The following SPATA22 variants were observed in gnomAD, a reference collection of about 807,000 sequenced individuals.
The protein encoded by SPATA22 is spermatogenesis associated 22.
A neutral mutation model predicts 47.8 loss-of-function variants in SPATA22; 29 were observed. The ratio of observed to expected loss-of-function variants is 0.61; its 90% CI spans 0.45 to 0.83. The LOEUF is 0.83. Among genes scored for constraint, SPATA22 ranks in the 40% least tolerant of loss-of-function variants. The pLI is 0.00. For missense variants in SPATA22, 410 were observed against 421.7 expected, an observed-to-expected ratio of 0.97 and a Z score of 0.24; for synonymous variants, 133 against 140.9, an observed-to-expected ratio of 0.94 and a Z score of 0.40.
chr17:3,441,234 C>T (rs972250109), intron 8 of SPATA22: 1 of 151,870 alleles, frequency 6.6e-6, no homozygotes, highest in African/African-American at 2.4e-5. Context: ...TGGGAAAAAG[C>T]AAACCATGGA....
At chr17:3,479,917 C>T (rs533144198) in intron 1 of SPATA22, among the ~76,000 whole-genome samples, 1 of 151,998 alleles carries the variant, frequency 6.6e-6, no homozygotes. Context: ...AAAAATGTAT[C>T]TTAACCATTG....
intron 5 of SPATA22, among the ~76,000 whole-genome samples, chr17:3,457,427 A>G (rs1300958420): frequency 6.6e-6 from 1 of 152,204 alleles, no homozygotes; most frequent in Non-Finnish European, 1.5e-5. Flanking sequence ...TACAGACTCA[A>G]TGCAATCCCT....
chr17:3,479,807 C>A (rs2073596403), intron 1 of SPATA22, among the ~76,000 whole-genome samples: 1 of 151,928 alleles, frequency 6.6e-6, no homozygotes, highest in African/African-American at 2.4e-5. Flanking sequence ...AAGATACTAG[C>A]AAAAATAACC....
intron 1 of SPATA22, chr17:3,499,047 C>A (rs1256188187): frequency 1.2e-6 from 2 of 1,614,188 alleles, no homozygotes; most frequent in Non-Finnish European, 1.7e-6. Flanking sequence ...GACAACTAAA[C>A]TAACGCTCAA....
In SPATA22 at chr17:3,452,158, TA is replaced by T. The variant is rs2072877087; in HGVS notation, c.330-3010del. ...ATAGCAATGAATGCCCAAGTGGAAA[TA>T]AAAAGATCTCAAATAAGCATCCTAA... On this transcript the variant is annotated intron_variant, in intron 5 of 8. Transcript: ENST00000572969. Among the ~76,000 whole-genome samples, 3 of 146,510 alleles carry T rather than the reference TA, an allele frequency of 2.0e-5. No individual in the cohort carries two copies. In the South Asian group the frequency reaches 6.5e-4, roughly 32 times the overall value.
At chr17:3,487,968 A>G (rs528870815) in intron 1 of SPATA22, among the ~76,000 whole-genome samples, 6 of 152,352 alleles carry the variant, frequency 3.9e-5, no homozygotes, top group African/African-American at 1.4e-4. Flanking sequence ...ATGACACCAT[A>G]TACTTAAATA....
chr17:3,491,073 T>C (rs894803557), intron 1 of SPATA22, among the ~76,000 whole-genome samples: 2 of 152,174 alleles, frequency 1.3e-5, no homozygotes, highest in Non-Finnish European at 2.9e-5. Context: ...AGGGCTTCAT[T>C]CTTGACTCTG....
At position 3,489,299 on chromosome 17, in the gene SPATA22, A is replaced by G. The variant is rs777170306; in HGVS notation, c.-73-19901T>C. ...CTGATATCTTGGATCAAATGAGAAAAATGATTAAACATGCTCTTGATTTTA... is the reference window on the plus strand; with the variant it reads ...CTGATATCTTGGATCAAATGAGAAAGATGATTAAACATGCTCTTGATTTTA... On this transcript the variant is annotated intron_variant, in intron 1 of 8. Coordinates refer to the SPATA22 transcript ENST00000541913. 2.5e-6 allele frequency: 4 copies of G among 1,613,282 alleles called. No homozygotes were observed. The highest frequency in any genetic ancestry group is 3.4e-6 in the Non-Finnish European group (4 of 1,179,766).
rs568697855 is a variant in SPATA22, at chr17:3,485,289, C to T, written c.-73-15891G>A. ...CCTCCCAAAGTGCTGGGATTACAAG[C>T]GTGAGCCACCACACCTGTACCTCAT... is the stretch of plus-strand genomic sequence containing the variant. On this transcript the variant is annotated intron_variant, in intron 1 of 8. Coordinates refer to the SPATA22 transcript ENST00000541913. The surrounding 1 kb of genome is among the most constrained non-coding windows in gnomAD (Gnocchi z 4.4). 2.5e-3 allele frequency among the ~76,000 whole-genome samples: 388 copies of T among 152,274 alleles called. 2 individuals are homozygous for T. Among genetic ancestry groups the T allele is most frequent in the Non-Finnish European group, 3.1e-3 (214 of 68,024 alleles).
At position 3,448,976 on chromosome 17, in the gene SPATA22, C is replaced by G; in HGVS notation, c.503G>C (p.Arg168Pro). 6.2e-7 allele frequency: 1 copy of G among 1,613,872 alleles called. No homozygotes were observed. Among genetic ancestry groups the G allele is most frequent in the South Asian group, 1.1e-5 (1 of 91,070 alleles). ...TCTGAGTAGCTCGGTTTCTTTGTTG[C>G]GAGATAAGTTAGGAGGTTCAGGTAT... Reference protein sequence around the residue: ...LRIPEPPNLSRNKETELLRQT... With the variant: ...LRIPEPPNLSPNKETELLRQT... The change falls in exon 6 of 9, where the codon CGC becomes CCC. Residue 168 changes from arginine to proline, a missense_variant. Physicochemically the swap from Arg to Pro is moderately radical, Grantham distance 103 (BLOSUM62 -2). Transcript: ENST00000572969.
intron 1 of SPATA22, among the ~76,000 whole-genome samples, chr17:3,510,264 C>T (rs1042858199): frequency 2.0e-5 from 3 of 152,158 alleles, no homozygotes; most frequent in African/African-American, 7.2e-5. Flanking sequence ...ATTGAAACTG[C>T]TTCCAAAGCT....
intron 5 of SPATA22, among the ~76,000 whole-genome samples, chr17:3,452,519 G>A (rs1042154098): frequency 6.6e-6 from 1 of 151,922 alleles, no homozygotes; most frequent in African/African-American, 2.4e-5. Context: ...TTGAACCCGA[G>A]AGTGGAGGTT....
Position 3,467,406 on chromosome 17 carries a change from T to G in SPATA22, c.172+20A>C. 6.4e-7 allele frequency: 1 copy of G among 1,563,260 alleles called. No individual in the cohort carries two copies. Among genetic ancestry groups the G allele is most frequent in the Non-Finnish European group, 8.6e-7 (1 of 1,158,082 alleles). On this transcript the variant is annotated intron_variant, in intron 3 of 8. Transcript: ENST00000572969. ...TAGTTTTGTATTTCCTGAAAATTTTTACCTTATTAATTTTCTTACCTGTAG... is the reference window on the plus strand; with the variant it reads ...TAGTTTTGTATTTCCTGAAAATTTTGACCTTATTAATTTTCTTACCTGTAG...
chr17:3,453,530 A>G (rs1464446861), intron 5 of SPATA22, among the ~76,000 whole-genome samples: 2 of 152,216 alleles, frequency 1.3e-5, no homozygotes, highest in South Asian at 4.1e-4. Flanking sequence ...CAAAATTCCC[A>G]CAGCTAACAT....
chr17:3,475,711 A>G (rs2073511361), upstream of SPATA22: 1 of 184,988 alleles, frequency 5.4e-6, no homozygotes, highest in Non-Finnish European at 1.1e-5. Flanking sequence ...CCGTGGAAAT[A>G]CTGAGTGGGC....
Position 3,440,305 on chromosome 17 carries a change from C to A in SPATA22, c.934G>T (p.Val312Phe). 6.3e-7 allele frequency: 1 copy of A among 1,595,352 alleles called. No homozygotes were observed. Among genetic ancestry groups the A allele is most frequent in the Non-Finnish European group, 8.6e-7 (1 of 1,168,884 alleles). The change falls in exon 9 of 9, where the codon GTT becomes TTT. Residue 312 changes from valine (V) to phenylalanine (F), a missense_variant. Transcript: ENST00000572969. ...RELPRLIRGR[V>F]HRCVGNYDQK... The stretch of plus-strand genomic sequence containing the variant: ...TCATAGTTGCCAACACATCTATGAA[C>A]TCGGCCTCTAATCAGTCTCGGAAGT...
At chr17:3,511,747 A>G (rs2074116536) in intron 1 of SPATA22, 1 of 152,276 alleles carries the variant, frequency 6.6e-6, no homozygotes, top group African/African-American at 2.4e-5. Context: ...TTAGGCAAAT[A>G]GAAATCAATA....
intron 1 of SPATA22, among the ~76,000 whole-genome samples, chr17:3,484,183 A>C (rs9904040): frequency 0.28 from 41,808 of 151,900 alleles, 6,223 homozygotes; most frequent in East Asian, 0.57. Flanking sequence ...TTCACCTGTC[A>C]CCTCCTATAG....
intron 1 of SPATA22, among the ~76,000 whole-genome samples, chr17:3,479,340 C>G (rs751779801): frequency 6.6e-6 from 1 of 152,140 alleles, no homozygotes; most frequent in East Asian, 1.9e-4. Flanking sequence ...TGATATAGAA[C>G]CAAAATTGTC....
Sources: gnomAD v4.1 joint callset for allele counts (sites outside exome capture counted in the v4.1 genomes callset) on GRCh38, gnomAD v4.1.1 for gene constraint, Gnocchi (gnomAD v3.1) non-coding constraint, MANE v1.5 for transcripts, NCBI Gene and HGNC (gene_info 2026-07-23, HGNC 2026-07-21) for gene names.